The following CDH20 variants were observed in gnomAD, a reference collection of about 807,000 sequenced individuals.
CDH20 encodes cadherin-20.
A neutral mutation model predicts 74.2 loss-of-function variants in CDH20; 29 were observed. That is an observed-to-expected ratio of 0.39 (90% CI 0.29 to 0.53). CDH20 has a LOEUF of 0.53. CDH20 is among the 20% of genes least tolerant of loss of function. The pLI is 0.69. For missense variants in CDH20, 988 were observed against 1,048.3 expected (o/e 0.94, Z 0.79); for synonymous variants, 469 against 405.4 (o/e 1.16, Z -1.88).
At chr18:61,539,001 G>A (rs758641127) in intron 8 of CDH20, 23 bp from the exon 9 acceptor site, 3 of 1,602,890 alleles carry the variant, frequency 1.9e-6, no homozygotes, top group African/African-American at 1.3e-5. Context: ...TCTCAGATTT[G>A]GTTTTCCTTG....
Position 61,550,116 on chromosome 18 carries a change from G to C in CDH20, c.1787G>C (p.Ser596Thr), listed in dbSNP as rs774568881. ...GGCACACTGACCATCCAAGTGTGCA[G>C]CTGTGATGACGACGGCCACGTCATG... ...STGTLTIQVC[S>T]CDDDGHVMSC... is the part of the protein sequence containing the mutation. The change falls in exon 11 of 12, where the codon AGC becomes ACC. Residue 596 changes from serine to threonine, a missense_variant. Ser to Thr is a moderately conservative substitution (Grantham distance 58). Coordinates refer to ENST00000262717, the MANE Select transcript of CDH20 (RefSeq NM_031891.4). 6 of 1,614,250 alleles carry C rather than the reference G, an allele frequency of 3.7e-6. No individual in the cohort carries two copies. In the South Asian group the frequency reaches 6.6e-5, roughly 18 times the overall value.
At chr18:61,512,131 G>C (rs1202978418) in intron 6 of CDH20, among the ~76,000 whole-genome samples, 3 of 152,170 alleles carry the variant, frequency 2.0e-5, no homozygotes, top group Admixed American at 1.3e-4. Context: ...TTTTCAAAAA[G>C]AGGAATTGAT....
Position 61,368,997 on chromosome 18 carries a change from C to T in CDH20, c.-153+35170C>T, listed in dbSNP as rs566406436. On this transcript the variant is annotated intron_variant, in intron 1 of 11. Coordinates refer to ENST00000262717, the MANE Select transcript of CDH20 (RefSeq NM_031891.4). ...TAGTTTCTGATAAATGATATTTTAC[C>T]GAAAATAAGTCATAAGATACAGATA... 8.7e-4 allele frequency among the ~76,000 whole-genome samples: 131 copies of T among 151,222 alleles called. 2 individuals carry two copies. In the South Asian group the frequency reaches 0.025, roughly 28 times the overall value.
At chr18:61,375,889 A>G (rs1344094465) in intron 1 of CDH20, among the ~76,000 whole-genome samples, 1 of 152,138 alleles carries the variant, frequency 6.6e-6, no homozygotes, top group Non-Finnish European at 1.5e-5. Context: ...AAAGTTAAGT[A>G]TCCAACTGCA....
chr18:61,354,684 C>T (rs76694963), intron 1 of CDH20, among the ~76,000 whole-genome samples: 2,875 of 152,070 alleles, frequency 0.019, 79 homozygotes, highest in African/African-American at 0.064. Flanking sequence ...TGTACTGAGA[C>T]AATTACTTTT....
At chr18:61,525,602 T>C (rs1912368682) in intron 6 of CDH20, among the ~76,000 whole-genome samples, 1 of 152,096 alleles carries the variant, frequency 6.6e-6, no homozygotes, top group Non-Finnish European at 1.5e-5. Context: ...TGGGTTTGAA[T>C]GGGGCTTCTT....
At chr18:61,515,372 A>G (rs2535361) in intron 6 of CDH20, among the ~76,000 whole-genome samples, 149,496 of 151,422 alleles carry the variant, frequency 0.99, 73,824 homozygotes, top group Middle Eastern at 1. Context: ...CGCACGGTGC[A>G]CGCACCCACT....
chr18:61,474,590 C>G (rs1224931512), intron 1 of CDH20, among the ~76,000 whole-genome samples: 1 of 152,202 alleles, frequency 6.6e-6, no homozygotes, highest in Non-Finnish European at 1.5e-5. Flanking sequence ...TGCCAAGATT[C>G]TCTTCAAGAT....
At chr18:61,358,239 C>T (rs1339386518) in intron 1 of CDH20, among the ~76,000 whole-genome samples, 1 of 151,522 alleles carries the variant, frequency 6.6e-6, no homozygotes, top group African/African-American at 2.4e-5. Context: ...CTCAGCCTCC[C>T]GAGTAGCTGG....
chr18:61,453,338 C>A (rs1909460534), intron 1 of CDH20, among the ~76,000 whole-genome samples: 1 of 152,174 alleles, frequency 6.6e-6, no homozygotes, highest in Non-Finnish European at 1.5e-5. Flanking sequence ...AGTGCAGTGG[C>A]ACAATCTCGG....
rs768344355 is a variant in CDH20, at chr18:61,539,075, T to A, written c.1460T>A (p.Val487Glu). ...SVPVTIKVLD[V>E]NDNAPEFPRF... Reference sequence around the variant, plus strand: ...CCTGTCACAATCAAAGTCTTAGATGTGAATGACAATGCTCCAGAGTTCCCC... The same window carrying A: ...CCTGTCACAATCAAAGTCTTAGATGAGAATGACAATGCTCCAGAGTTCCCC... The change falls in exon 9 of 12, where the codon GTG (valine) becomes GAG (glutamate). Residue 487 changes from valine to glutamate, a missense_variant. Val to Glu is a moderately radical substitution (Grantham distance 121, BLOSUM62 -2). Transcript: ENST00000262717. The A allele has an allele frequency of 6.2e-7, 1 of 1,614,024 alleles. No individual in the cohort carries two copies. The highest frequency in any genetic ancestry group is 8.5e-7 in the Non-Finnish European group (1 of 1,179,906).
intron 1 of CDH20, among the ~76,000 whole-genome samples, chr18:61,461,485 G>C (rs1909772260): frequency 6.6e-6 from 1 of 152,052 alleles, no homozygotes; most frequent in Admixed American, 6.6e-5. Context: ...GCATCCCTTG[G>C]TGTGTAGCAT....
intron 1 of CDH20, among the ~76,000 whole-genome samples, chr18:61,420,498 G>A (rs945807882): frequency 3.3e-5 from 5 of 152,004 alleles, no homozygotes; most frequent in South Asian, 4.2e-4. Context: ...TACTTCATGC[G>A]TGGTACCCAC....
At chr18:61,347,452 G>A (rs1412763636) in intron 1 of CDH20, among the ~76,000 whole-genome samples, 2 of 150,542 alleles carry the variant, frequency 1.3e-5, no homozygotes, top group East Asian at 3.9e-4. Context: ...CTTGGGAGGT[G>A]GAGGTTGCAG....
chr18:61,342,399 T>G (rs1464507635), intron 1 of CDH20, among the ~76,000 whole-genome samples: 1 of 152,214 alleles, frequency 6.6e-6, no homozygotes. Context: ...CAGGATGAAG[T>G]GGTCACCACA....
At chr18:61,514,006 T>A (rs536925040) in intron 6 of CDH20, among the ~76,000 whole-genome samples, 88 of 152,172 alleles carry the variant, frequency 5.8e-4, no homozygotes, top group Non-Finnish European at 8.5e-4. Context: ...AGGAGTATCT[T>A]TGTGGCGTTC....
At chr18:61,531,595 T>C (rs1338457682) in intron 7 of CDH20, among the ~76,000 whole-genome samples, 1 of 152,220 alleles carries the variant, frequency 6.6e-6, no homozygotes, top group African/African-American at 2.4e-5. Context: ...CTCTGAAGCA[T>C]GTGTTTTTCT....
chr18:61,411,135 C>CT (rs1363411114), intron 1 of CDH20, among the ~76,000 whole-genome samples: 1 of 151,176 alleles, frequency 6.6e-6, no homozygotes, highest in Non-Finnish European at 1.5e-5. Flanking sequence ...GAAGGCAGAG[C>CT]TTGCAGTGAG....
intron 1 of CDH20, among the ~76,000 whole-genome samples, chr18:61,354,441 C>T (rs1910424700): frequency 6.6e-6 from 1 of 152,108 alleles, no homozygotes; most frequent in Non-Finnish European, 1.5e-5. Flanking sequence ...AACCCCATCT[C>T]TACAAGAAAT....
Sources: gnomAD v4.1 joint callset for allele counts (sites outside exome capture counted in the v4.1 genomes callset) on GRCh38, gnomAD v4.1.1 for gene constraint, MANE v1.5 for transcripts, NCBI Gene and HGNC (gene_info 2026-07-23, HGNC 2026-07-21) for gene names.